The following SEC61G variants were observed in gnomAD, a reference collection of about 807,000 sequenced individuals.
The protein encoded by SEC61G is SEC61 translocon subunit gamma.
In SEC61G, 4 loss-of-function variants were observed where a neutral mutation model predicts 7.5. That is an observed-to-expected ratio of 0.54 (90% CI 0.26 to 1.22). SEC61G has a LOEUF of 1.22. SEC61G is among the 50% of genes most tolerant of loss of function. The pLI, the probability that SEC61G is intolerant of heterozygous loss-of-function variation, is 0.12. For missense variants in SEC61G, 53 were observed against 84.6 expected, an observed-to-expected ratio of 0.63 and a Z score of 1.46; for synonymous variants, 24 against 24.4, an observed-to-expected ratio of 0.98 and a Z score of 0.05.
At chr7:54,756,797 C>T (rs996845931) in intron 2 of SEC61G, among the ~76,000 whole-genome samples, 1 of 151,960 alleles carries the variant, frequency 6.6e-6, no homozygotes, top group African/African-American at 2.4e-5. Context: ...TTCCATAATA[C>T]TTAACACAGC....
intron 2 of SEC61G, 51 bp downstream of exon 2, chr7:54,757,444 G>A: frequency 2.1e-6 from 3 of 1,435,090 alleles, no homozygotes; most frequent in Non-Finnish European, 2.0e-6. Flanking sequence ...TCAAACAAAA[G>A]GCTTAGAAAA....
intron 3 of SEC61G, among the ~76,000 whole-genome samples, chr7:54,753,499 C>T (rs1791452348): frequency 6.6e-6 from 1 of 152,036 alleles, no homozygotes; most frequent in Admixed American, 6.6e-5. Context: ...ACTGATAATT[C>T]AACCCAATGA....
In SEC61G at chr7:54,758,999, G is replaced by C. The variant is rs1791580177; in HGVS notation, c.-7+159C>G. On this transcript the variant is annotated intron_variant, in intron 1 of 3. Transcript: ENST00000352861. ...CCAGAGGCCGAGTTGGTGGGATGTC[G>C]GCGGCCAGACCCCGGCCCTGAGCCA... 3.4e-5 allele frequency: 11 copies of C among 322,212 alleles called. 1 individual carries two copies. Among genetic ancestry groups the C allele is most frequent in the South Asian group, 2.5e-4 (11 of 44,488 alleles). 20.0% of individuals were successfully genotyped at this position (322,212 alleles called of 1,614,324 possible).
rs574250634 is a variant in SEC61G at position 54,752,632 on chromosome 7, G to A, written c.198-212C>T. Among the ~76,000 whole-genome samples the A allele has an allele frequency of 2.6e-5, 4 of 152,352 alleles. No homozygotes were observed. The East Asian group carries it at 7.7e-4, about 29-fold the overall frequency. ...GATGTGGCTACTGGAAGAGGTCTATGTGTAAACTCACAATGCTCATTCAGG... is the reference window on the plus strand; with the variant it reads ...GATGTGGCTACTGGAAGAGGTCTATATGTAAACTCACAATGCTCATTCAGG... On this transcript the variant is annotated intron_variant, in intron 3 of 3. Coordinates refer to ENST00000352861, the MANE Select transcript of SEC61G (RefSeq NM_014302.4).
chr7:54,754,813 T>C (rs1791476353), intron 3 of SEC61G: 3 of 152,206 alleles, frequency 2.0e-5, no homozygotes, highest in African/African-American at 7.2e-5. Context: ...TTAATTATTA[T>C]TGCCACCATC....
At chr7:54,753,720 T>C (rs536785087) in intron 3 of SEC61G, among the ~76,000 whole-genome samples, 2 of 152,326 alleles carry the variant, frequency 1.3e-5, no homozygotes, top group African/African-American at 4.8e-5. Flanking sequence ...TTCTTAAACA[T>C]TGAAACCATT....
chr7:54,752,695 T>A (rs1791438275), intron 3 of SEC61G, among the ~76,000 whole-genome samples: 1 of 152,198 alleles, frequency 6.6e-6, no homozygotes, highest in African/African-American at 2.4e-5. Flanking sequence ...AACGCCTTTC[T>A]GAACACAACA....
At chr7:54,754,667 T>G (rs1397251224) in intron 3 of SEC61G, 2 of 151,890 alleles carry the variant, frequency 1.3e-5, no homozygotes, top group East Asian at 3.8e-4. Context: ...TACCAGTACC[T>G]GGGATAAAAT....
At chr7:54,756,951 A>AC (rs1791528280) in intron 2 of SEC61G, among the ~76,000 whole-genome samples, 1 of 145,510 alleles carries the variant, frequency 6.9e-6, no homozygotes, top group Non-Finnish European at 1.5e-5. Flanking sequence ...ACTATACTAT[A>AC]TATATACTAT....
At chr7:54,753,883 A>C (rs1791459144) in intron 3 of SEC61G, among the ~76,000 whole-genome samples, 1 of 152,130 alleles carries the variant, frequency 6.6e-6, no homozygotes, top group Non-Finnish European at 1.5e-5. Context: ...CAGTCATGGA[A>C]AGTTCTCAAT....
chr7:54,757,402 A>G (rs532191921), intron 2 of SEC61G, 93 bp downstream of exon 2: 2 of 976,880 alleles, frequency 2.0e-6, no homozygotes. Context: ...TGTTGATCAA[A>G]GTAATGCAAG....
chr7:54,758,006 T>C (rs1332320180), intron 1 of SEC61G, among the ~76,000 whole-genome samples: 1 of 152,200 alleles, frequency 6.6e-6, no homozygotes, highest in Non-Finnish European at 1.5e-5. Flanking sequence ...ATCCAACAAT[T>C]ACTTTCCATA....
intron 3 of SEC61G, among the ~76,000 whole-genome samples, chr7:54,753,403 AG>A (rs1192411385): frequency 1.3e-5 from 2 of 152,224 alleles, no homozygotes; most frequent in African/African-American, 4.8e-5. Context: ...AAGGCCAGCA[AG>A]TGCCTATTTT....
chr7:54,757,471 T>A, intron 2 of SEC61G, 24 bp downstream of exon 2: 1 of 1,582,626 alleles, frequency 6.3e-7, no homozygotes, highest in Non-Finnish European at 8.7e-7. Flanking sequence ...GATTTAATTT[T>A]TTCTCTCATA....
rs1277649321 is a variant in SEC61G, at chr7:54,759,156, A to T, written c.-7+2T>A. 2 of 518,708 alleles carry T rather than the reference A, an allele frequency of 3.9e-6. No individual in the cohort carries two copies. Among genetic ancestry groups the T allele is most frequent in the African/African-American group, 3.9e-5 (2 of 51,920 alleles). 32.1% of individuals were successfully genotyped at this position (518,708 alleles called of 1,614,324 possible). A position where few individuals can be genotyped will look rare whatever the true frequency, so the allele number is the denominator to read the frequency against. On this transcript the variant is annotated splice_donor_variant, in intron 1 of 3. Coordinates refer to ENST00000352861, the MANE Select transcript of SEC61G (RefSeq NM_014302.4). LOFTEE classifies it low-confidence loss of function (5UTR_SPLICE). ...CGTACCGACCGGTGGGAAGAAACTCACCTACCCAACCGACACCTAAAATGC... is the reference window on the plus strand; with the variant it reads ...CGTACCGACCGGTGGGAAGAAACTCTCCTACCCAACCGACACCTAAAATGC...
In SEC61G at chr7:54,759,154, T is replaced by TCAC. The variant is rs1562770478; in HGVS notation, c.-7+1_-7+3dup. On this transcript the variant is annotated splice_donor_region_variant and intron_variant, in intron 1 of 3. Coordinates refer to ENST00000352861, the MANE Select transcript of SEC61G (RefSeq NM_014302.4). ...CCCGTACCGACCGGTGGGAAGAAAC[T>TCAC]CACCTACCCAACCGACACCTAAAAT... 1.9e-6 allele frequency: 1 copy of TCAC among 518,652 alleles called. No individual in the cohort carries two copies. Among genetic ancestry groups the TCAC allele is most frequent in the Non-Finnish European group, 3.9e-6 (1 of 259,668 alleles). The allele number at this position is 518,652 out of a possible 1,614,324, so 32.1% of individuals were successfully genotyped here.
intron 3 of SEC61G, among the ~76,000 whole-genome samples, chr7:54,754,449 A>T (rs1791470019): frequency 6.6e-6 from 1 of 152,230 alleles, no homozygotes; most frequent in Non-Finnish European, 1.5e-5. Context: ...GTGATTCCAC[A>T]GTTCTACAGT....
At chr7:54,756,215 T>C (rs1247646661) in intron 2 of SEC61G, among the ~76,000 whole-genome samples, 1 of 152,204 alleles carries the variant, frequency 6.6e-6, no homozygotes, top group Admixed American at 6.5e-5. Flanking sequence ...GAAATATACA[T>C]TATTTTTCTT....
chr7:54,752,714 C>T (rs959317380), intron 3 of SEC61G, among the ~76,000 whole-genome samples: 2 of 152,108 alleles, frequency 1.3e-5, no homozygotes, highest in African/African-American at 4.8e-5. Context: ...CAAAAAATAT[C>T]AACTACATGA....
Sources: gnomAD v4.1 joint callset for allele counts (sites outside exome capture counted in the v4.1 genomes callset) on GRCh38, gnomAD v4.1.1 for gene constraint, MANE v1.5 for transcripts, NCBI Gene and HGNC (gene_info 2026-07-23, HGNC 2026-07-21) for gene names.